The following MGMT variants were observed in gnomAD, a reference collection of about 807,000 sequenced individuals.
MGMT encodes methylated-DNA--protein-cysteine methyltransferase.
Under a neutral mutation model 15.9 loss-of-function variants are expected in MGMT, and 14 were observed. The ratio of observed to expected loss-of-function variants is 0.88; its 90% CI spans 0.58 to 1.37. The LOEUF is 1.37. MGMT is among the 40% of genes most tolerant of loss of function. The probability of loss-of-function intolerance (pLI) is 0.00; values close to 1 mark genes in which losing one functional copy is unlikely to be tolerated. For missense variants in MGMT, 282 were observed against 268.1 expected (o/e 1.05, Z -0.36); for synonymous variants, 130 against 118.2 (o/e 1.10, Z -0.65).
intron 1 of MGMT, among the ~76,000 whole-genome samples, chr10:129,517,946 T>G (rs1229771263): frequency 6.6e-6 from 1 of 152,208 alleles, no homozygotes; most frequent in Admixed American, 6.5e-5. Context: ...AGTGAGAATA[T>G]GCGAATGCTT....
At chr10:129,534,687 T>C (rs1316610419) in intron 1 of MGMT, among the ~76,000 whole-genome samples, 1 of 151,532 alleles carries the variant, frequency 6.6e-6, no homozygotes, top group African/African-American at 2.4e-5. Flanking sequence ...TTTCACAGGA[T>C]AGGAGACCAG....
chr10:129,612,901 G>C (rs1336841537), intron 2 of MGMT, among the ~76,000 whole-genome samples: 3 of 152,196 alleles, frequency 2.0e-5, no homozygotes, highest in Non-Finnish European at 2.9e-5. Flanking sequence ...TGAGCAGTGA[G>C]ACTCTGTCCC....
chr10:129,550,448 C>CT (rs58863411), intron 2 of MGMT, among the ~76,000 whole-genome samples: 45 of 131,216 alleles, frequency 3.4e-4, no homozygotes, highest in African/African-American at 1.2e-3. Context: ...TGTTTTGATT[C>CT]TTTTTTTTTT....
At chr10:129,702,305 G>A (rs1028717074) in intron 2 of MGMT, among the ~76,000 whole-genome samples, 7 of 152,176 alleles carry the variant, frequency 4.6e-5, no homozygotes, top group African/African-American at 1.4e-4. Flanking sequence ...GGTGCCCGAC[G>A]CCCTGTTGTC....
At chr10:129,560,303 C>T (rs1020147811) in intron 2 of MGMT, among the ~76,000 whole-genome samples, 2 of 152,278 alleles carry the variant, frequency 1.3e-5, no homozygotes, top group African/African-American at 4.8e-5. Flanking sequence ...TGATATAGAA[C>T]ACGTTATTAA....
intron 3 of MGMT, among the ~76,000 whole-genome samples, chr10:129,716,196 C>T (rs554606477): frequency 3.3e-5 from 5 of 152,310 alleles, no homozygotes; most frequent in South Asian, 2.1e-4. Flanking sequence ...CCGTTTAGTT[C>T]GGATCAGGCC....
chr10:129,587,316 A>AT (rs985553970), intron 2 of MGMT, among the ~76,000 whole-genome samples: 6 of 146,494 alleles, frequency 4.1e-5, no homozygotes, highest in East Asian at 2.0e-4. Flanking sequence ...TAATATTGTG[A>AT]TTTTTTTGTT....
chr10:129,605,726 G>A (rs1456319370), intron 2 of MGMT, among the ~76,000 whole-genome samples: 1 of 152,106 alleles, frequency 6.6e-6, no homozygotes, highest in African/African-American at 2.4e-5. Flanking sequence ...AGCATTTTAC[G>A]ATAATTCTCA....
intron 2 of MGMT, among the ~76,000 whole-genome samples, chr10:129,634,188 G>T (rs535910517): frequency 6.6e-6 from 1 of 152,136 alleles, no homozygotes; most frequent in Non-Finnish European, 1.5e-5. Context: ...CCTCTTGCAT[G>T]CATTGTTTCC....
At position 129,770,215 on chromosome 10, in the gene MGMT, G is replaced by T. The variant is rs1848985573; in HGVS notation, c.*3218G>T. On this transcript the variant is annotated 3_prime_UTR_variant, in exon 5 of 5. Coordinates refer to ENST00000651593, the MANE Select transcript of MGMT (RefSeq NM_002412.5). ...ATCAGTTTTGTTTCTTACATCGTTT[G>T]TAAACAGCAGTATTATCCTGGAACT... Among the ~76,000 whole-genome samples the T allele has an allele frequency of 6.6e-6, 1 of 152,192 alleles. No individual in the cohort carries two copies. Among genetic ancestry groups the T allele is most frequent in the Non-Finnish European group, 1.5e-5 (1 of 68,032 alleles).
rs142033080 is a variant in MGMT at position 129,756,935 on chromosome 10, G to T, written c.275-2267G>T. Among the ~76,000 whole-genome samples, 83 of 152,344 alleles carry T rather than the reference G, an allele frequency of 5.4e-4. 2 individuals are homozygous for T. In the East Asian group the frequency reaches 0.013, roughly 23 times the overall value. The stretch of plus-strand genomic sequence containing the variant: ...TATAGAATATGATGCTTAACAGCAA[G>T]GATTGCCCTTCTTCAAGAACGGGTG... On this transcript the variant is annotated intron_variant, in intron 3 of 4. Transcript: ENST00000651593.
intron 2 of MGMT, among the ~76,000 whole-genome samples, chr10:129,632,024 A>G (rs1378847489): frequency 1.3e-5 from 2 of 152,144 alleles, no homozygotes; most frequent in Non-Finnish European, 2.9e-5. Context: ...GGCGTAAGCC[A>G]CCGCGCCCAG....
At chr10:129,699,805 G>C (rs1186360493) in intron 2 of MGMT, among the ~76,000 whole-genome samples, 1 of 152,082 alleles carries the variant, frequency 6.6e-6, no homozygotes, top group African/African-American at 2.4e-5. Context: ...GCTAGGAATG[G>C]GCTGTGCTCA....
chr10:129,618,767 T>TAATGCTATA (rs1336643710), intron 2 of MGMT, among the ~76,000 whole-genome samples: 1 of 152,222 alleles, frequency 6.6e-6, no homozygotes, highest in Admixed American at 6.5e-5. Context: ...AAATGCTATA[T>TAATGCTATA]TTTTAGTTTC....
chr10:129,704,127 A>G (rs141760091), intron 2 of MGMT, among the ~76,000 whole-genome samples: 10 of 152,224 alleles, frequency 6.6e-5, no homozygotes, highest in Admixed American at 6.5e-4. Flanking sequence ...TTATTCGGTT[A>G]GCAAAGAGCA....
Position 129,620,183 on chromosome 10 carries a change from G to A in MGMT, c.125+83806G>A, listed in dbSNP as rs79581230. ...AACTAGACATTAACTTCTAAGCAGT[G>A]CTTAAGCAGCATTCTACATGTTTTG... On this transcript the variant is annotated intron_variant, in intron 2 of 4. Coordinates refer to ENST00000651593, the MANE Select transcript of MGMT (RefSeq NM_002412.5). Among the ~76,000 whole-genome samples the A allele has an allele frequency of 5.6e-4, 86 of 152,328 alleles. No individual in the cohort carries two copies. In the East Asian group the frequency reaches 0.013, roughly 24 times the overall value.
chr10:129,738,375 C>A (rs137902592), intron 3 of MGMT, among the ~76,000 whole-genome samples: 3 of 152,224 alleles, frequency 2.0e-5, no homozygotes, highest in Admixed American at 6.5e-5. Flanking sequence ...TGACCCCTTG[C>A]GCTTCCGGAG....
At chr10:129,476,083 CT>C (rs1845290838) in intron 1 of MGMT, among the ~76,000 whole-genome samples, 1 of 152,218 alleles carries the variant, frequency 6.6e-6, no homozygotes, top group Non-Finnish European at 1.5e-5. Context: ...ACTGCTGTCA[CT>C]TTGCCACTAG....
At chr10:129,652,898 A>T (rs917233696) in intron 2 of MGMT, among the ~76,000 whole-genome samples, 3 of 152,222 alleles carry the variant, frequency 2.0e-5, no homozygotes, top group Non-Finnish European at 4.4e-5. Context: ...TCCTCCTGGT[A>T]GGATGCATGA....
Sources: gnomAD v4.1 joint callset for allele counts (sites outside exome capture counted in the v4.1 genomes callset) on GRCh38, gnomAD v4.1.1 for gene constraint, MANE v1.5 for transcripts, NCBI Gene and HGNC (gene_info 2026-07-23, HGNC 2026-07-21) for gene names.